RUFY4: variants seen among roughly 807,000 people sequenced by gnomAD.
The protein encoded by RUFY4 is RUN and FYVE domain containing 4.
A neutral mutation model predicts 69.0 loss-of-function variants in RUFY4; 73 were observed. The observed-to-expected ratio is 1.06, with a 90% CI of 0.88 to 1.29. The LOEUF (loss-of-function observed/expected upper bound fraction) is 1.29, where lower values mean the gene tolerates loss of function less well. Ranked by LOEUF, RUFY4 falls within the 50% of genes most tolerant of loss-of-function variation. The probability of loss-of-function intolerance (pLI) is 0.00; values close to 1 mark genes in which losing one functional copy is unlikely to be tolerated. For missense variants in RUFY4, 770 were observed against 705.6 expected, an observed-to-expected ratio of 1.09 and a Z score of -1.03; for synonymous variants, 287 against 271.8, an observed-to-expected ratio of 1.06 and a Z score of -0.55.
intron 7 of RUFY4, 31 bp from the exon 10 acceptor site, chr2:218,076,396 A>C: frequency 6.5e-7 from 1 of 1,546,456 alleles, no homozygotes; most frequent in Non-Finnish European, 8.7e-7. Flanking sequence ...CTTCTCCTTC[A>C]GCCTCCTTCT....
upstream of RUFY4, among the ~76,000 whole-genome samples, chr2:218,064,701 C>G (rs1463213128): frequency 6.6e-6 from 1 of 152,110 alleles, no homozygotes; most frequent in Non-Finnish European, 1.5e-5. Context: ...CTACACCTTC[C>G]CCACTGGTGC....
Position 218,056,749 on chromosome 2 carries a change from C to A in RUFY4, c.-1157-1846C>A, listed in dbSNP as rs569161143. Among the ~76,000 whole-genome samples, 25 of 152,314 alleles carry A rather than the reference C, an allele frequency of 1.6e-4. 1 individual carries two copies. The South Asian group carries it at 4.1e-3, about 25-fold the overall frequency. On this transcript the variant is annotated intron_variant and NMD_transcript_variant, in intron 2 of 13. Coordinates refer to the RUFY4 transcript ENST00000457754. ...CAGCTGCCAAAATGACCTGCTGTAA[C>A]CTTAAGACCAGTTTTACCAAGTAGC... is the stretch of plus-strand genomic sequence containing the variant.
chr2:218,056,758 C>G (rs1359580759), intron 2 of RUFY4, among the ~76,000 whole-genome samples: 1 of 152,192 alleles, frequency 6.6e-6, no homozygotes, highest in Non-Finnish European at 1.5e-5. Context: ...ACCTTAAGAC[C>G]AGTTTTACCA....
intron 9 of RUFY4, among the ~76,000 whole-genome samples, chr2:218,088,307 C>T (rs2106077449): frequency 6.6e-6 from 1 of 151,790 alleles, no homozygotes; most frequent in South Asian, 2.1e-4. Flanking sequence ...AACCCCATCC[C>T]TACAAAAGAT....
chr2:218,052,290 A>C (rs1318933414), intron 2 of RUFY4, among the ~76,000 whole-genome samples: 4 of 151,860 alleles, frequency 2.6e-5, no homozygotes, highest in Admixed American at 1.3e-4. Flanking sequence ...GTGTAAGTCG[A>C]CTCTGTACTC....
chr2:218,070,543 G>T, exon 1 of RUFY4: 1 of 1,411,930 alleles, frequency 7.1e-7, no homozygotes, highest in Admixed American at 2.0e-5. Context: ...GGGCAGTGAG[G>T]CCGAAAGTCC....
At chr2:218,089,795 GAGA>G in intron 10 of RUFY4, 154 bp from the exon 13 acceptor site, 1 of 718,020 alleles carries the variant, frequency 1.4e-6, no homozygotes, top group Non-Finnish European at 2.5e-6. Flanking sequence ...CAGGAGAGGG[GAGA>G]CCTCCTGAGA....
Position 218,048,591 on chromosome 2 carries a change from G to T in RUFY4, c.-1157-10004G>T, listed in dbSNP as rs541780013. ...TTCTTATGTTTCTGAAGATATTATG[G>T]TTTTTGTAAAGATTTATTTGATTCC... is the stretch of plus-strand genomic sequence containing the variant. On this transcript the variant is annotated intron_variant and NMD_transcript_variant, in intron 2 of 13. Coordinates refer to the RUFY4 transcript ENST00000457754. Among the ~76,000 whole-genome samples the T allele has an allele frequency of 1.4e-3, 218 of 152,096 alleles. 6 individuals carry two copies. In the South Asian group the frequency reaches 0.044, roughly 31 times the overall value.
At chr2:218,076,493 C>G (rs907837172) in exon 8 of RUFY4, 1 of 1,550,982 alleles carries the variant, frequency 6.4e-7, no homozygotes, top group African/African-American at 1.4e-5. Context: ...GCTGAGGGAG[C>G]AGGAGGGGGA....
At position 218,089,889 on chromosome 2, in the gene RUFY4, C is replaced by T. The variant is rs142532887; in HGVS notation, c.1614-63C>T. 2.8e-4 allele frequency: 309 copies of T among 1,104,678 alleles called. 2 individuals carry two copies. In the African/African-American group the frequency reaches 4.2e-3, roughly 15 times the overall value. 68.4% of individuals were successfully genotyped at this position (1,104,678 alleles called of 1,614,324 possible). On this transcript the variant is annotated intron_variant, in intron 10 of 10. Coordinates refer to ENST00000344321, the Ensembl canonical transcript of RUFY4. ...AGATGCTGGAACTCCATGACCTCAGCGCCCACTTGGGGAAGTGCCAGCTGC... is the reference window on the plus strand; with the variant it reads ...AGATGCTGGAACTCCATGACCTCAGTGCCCACTTGGGGAAGTGCCAGCTGC...
exon 10 of RUFY4, chr2:218,089,358 T>A: frequency 6.2e-7 from 1 of 1,613,714 alleles, no homozygotes; most frequent in Non-Finnish European, 8.5e-7. Flanking sequence ...GCGGTATCCA[T>A]GCAGGTAAAG....
intron 3 of RUFY4, chr2:218,061,577 A>G (rs1291016633): frequency 6.4e-6 from 1 of 156,602 alleles, no homozygotes; most frequent in Non-Finnish European, 1.4e-5. Context: ...TGTATATGGC[A>G]GGTAGTCTAA....
intron 2 of RUFY4, among the ~76,000 whole-genome samples, chr2:218,036,316 G>C (rs886340282): frequency 6.6e-6 from 1 of 152,132 alleles, no homozygotes; most frequent in Non-Finnish European, 1.5e-5. Context: ...TTACACAAAG[G>C]AGGCTCTGCA....
chr2:218,072,112 C>A lies in RUFY4; in HGVS notation c.154-262C>A, dbSNP rs1040276346. On this transcript the variant is annotated intron_variant, in intron 2 of 10. Coordinates refer to ENST00000344321, the Ensembl canonical transcript of RUFY4. The stretch of plus-strand genomic sequence containing the variant: ...GAAGTCAGTTTGTTCATAGTTGTAT[C>A]CCCAGACACACAGAGGAGGGCCTGG... Among the ~76,000 whole-genome samples, 5 of 152,284 alleles carry A rather than the reference C, an allele frequency of 3.3e-5. No homozygotes were observed. In the East Asian group the frequency reaches 9.6e-4, roughly 29 times the overall value.
chr2:218,083,381 C>A, intron 9 of RUFY4, 125 bp downstream of exon 11: 1 of 1,245,762 alleles, frequency 8.0e-7, no homozygotes, highest in Non-Finnish European at 1.1e-6. Flanking sequence ...TTTATATAAG[C>A]TAACCCTTCT....
intron 2 of RUFY4, among the ~76,000 whole-genome samples, chr2:218,056,229 GT>G (rs796703457): frequency 0.042 from 5,396 of 128,718 alleles, 220 homozygotes; most frequent in African/African-American, 0.13. Flanking sequence ...GCTGGTTGTT[GT>G]TTTTTTTTTT....
chr2:218,038,324 ATTTGTG>A (rs1456438542), intron 2 of RUFY4, among the ~76,000 whole-genome samples: 1 of 152,116 alleles, frequency 6.6e-6, no homozygotes, highest in Admixed American at 6.5e-5. Context: ...TAAACATCTT[ATTTGTG>A]TTTATTATGA....
In RUFY4 at chr2:218,073,341, AC is replaced by A; in HGVS notation, c.487del (p.Leu163SerfsTer113). ...CTCAATGGGGTGGCCTTCGAGTTGG[AC>A]CTCCAGCAGCCAGACCTGGATGGAG... is the stretch of plus-strand genomic sequence containing the variant. On this transcript the variant is annotated frameshift_variant, in exon 5 of 11. Transcript: ENST00000344321. LOFTEE classifies it high-confidence loss of function. 1 of 1,586,258 alleles carries A rather than the reference AC, an allele frequency of 6.3e-7. No individual in the cohort carries two copies. The highest frequency in any genetic ancestry group is 8.6e-7 in the Non-Finnish European group (1 of 1,166,070).
intron 4 of RUFY4, 34 bp from the exon 7 acceptor site, chr2:218,073,209 C>T: frequency 6.5e-7 from 1 of 1,542,474 alleles, no homozygotes. Flanking sequence ...GCACCAGGGT[C>T]AAAGGCCAAG....
Sources: gnomAD v4.1 joint callset for allele counts (sites outside exome capture counted in the v4.1 genomes callset) on GRCh38, gnomAD v4.1.1 for gene constraint, MANE v1.5 for transcripts, NCBI Gene and HGNC (gene_info 2026-07-23, HGNC 2026-07-21) for gene names.